SVIL: variants seen among roughly 807,000 people sequenced by gnomAD.
SVIL encodes supervillin, also known as archvillin.
SVIL carries 101 observed loss-of-function variants against 240.4 expected under a neutral mutation model. The observed-to-expected ratio is 0.42, with a 90% CI of 0.36 to 0.50. The LOEUF (loss-of-function observed/expected upper bound fraction) is 0.50. Among genes scored for constraint, SVIL ranks in the 20% least tolerant of loss-of-function variants. The probability of loss-of-function intolerance (pLI) is 0.01; values close to 1 mark genes in which losing one functional copy is unlikely to be tolerated. For missense variants in SVIL, 2,512 were observed against 2,818.7 expected, an observed-to-expected ratio of 0.89 and a Z score of 2.46; for synonymous variants, 999 against 1,100.0, an observed-to-expected ratio of 0.91 and a Z score of 1.82.
At chr10:29,550,019 T>TAAA (rs11339067) in intron 6 of SVIL, among the ~76,000 whole-genome samples, 4 of 70,240 alleles carry the variant, frequency 5.7e-5, no homozygotes, top group African/African-American at 2.1e-4. Flanking sequence ...ACTTAAAGTA[T>TAAA]AAAAAAAAAA....
At chr10:29,644,950 A>G (rs983655717) in intron 3 of SVIL, among the ~76,000 whole-genome samples, 8 of 151,898 alleles carry the variant, frequency 5.3e-5, no homozygotes, top group Admixed American at 5.2e-4. Context: ...GGAGGCTGAG[A>G]TCAGGAAGAC....
chr10:29,706,772 G>A (rs532604099), intron 1 of SVIL, among the ~76,000 whole-genome samples: 79 of 152,116 alleles, frequency 5.2e-4, no homozygotes, highest in Non-Finnish European at 9.9e-4. Flanking sequence ...ATAGTTTTGG[G>A]TTTTATATTT....
intron 1 of SVIL, among the ~76,000 whole-genome samples, chr10:29,580,216 A>T (rs1955880635): frequency 6.6e-6 from 1 of 152,106 alleles, no homozygotes; most frequent in Non-Finnish European, 1.5e-5. Flanking sequence ...ACATGCCTGC[A>T]ATCCCTACTT....
At chr10:29,588,242 G>A (rs577632822) in intron 1 of SVIL, among the ~76,000 whole-genome samples, 3 of 151,820 alleles carry the variant, frequency 2.0e-5, no homozygotes, top group East Asian at 3.9e-4. Context: ...TAGCAATACC[G>A]TGGAGGTTAA....
Position 29,493,373 on chromosome 10 carries a change from G to A in SVIL, c.3860C>T (p.Thr1287Met), listed in dbSNP as rs201829776. The A allele has an allele frequency of 9.3e-6, 15 of 1,613,994 alleles. No homozygotes were observed. The highest frequency in any genetic ancestry group is 4.0e-5 in the African/African-American group (3 of 74,910). Residue 1287 changes from threonine (T) to methionine (M), a missense_variant, in exon 21 of 38, where the codon ACG becomes ATG. Coordinates refer to ENST00000355867, the MANE Select transcript of SVIL (RefSeq NM_021738.3). ...AGATTTGCCGGTGACAGTGAGCACC[G>A]TTTCGTGCATCCCGCCAACTATCAA... ...LNNKVGGMHE[T>M]VLTVTGKSVK...
At chr10:29,470,544 C>T in intron 31 of SVIL, 61 bp from the exon 32 acceptor site, 3 of 1,587,240 alleles carry the variant, frequency 1.9e-6, no homozygotes, top group African/African-American at 1.3e-5. Context: ...GCAAACGCGG[C>T]CCTTCCTAGT....
chr10:29,474,123 G>A (rs1945901110), intron 29 of SVIL, 134 bp from the exon 30 acceptor site: 16 of 1,232,766 alleles, frequency 1.3e-5, no homozygotes, highest in South Asian at 3.2e-5. Flanking sequence ...GGGAGAAACC[G>A]TTGGCACCTG....
chr10:29,620,899 G>C (rs928106246), intron 1 of SVIL, among the ~76,000 whole-genome samples: 2 of 151,692 alleles, frequency 1.3e-5, no homozygotes, highest in Non-Finnish European at 2.9e-5. Context: ...TTACAGGTGT[G>C]AGCCACCACG....
At chr10:29,699,520 T>A (rs891838581) in intron 1 of SVIL, among the ~76,000 whole-genome samples, 3 of 152,168 alleles carry the variant, frequency 2.0e-5, no homozygotes, top group Non-Finnish European at 1.5e-5. Flanking sequence ...GCCAGGCTGG[T>A]CTTCAACTCC....
intron 36 of SVIL, among the ~76,000 whole-genome samples, chr10:29,461,769 A>AAAAG (rs1165257228): frequency 6.6e-6 from 1 of 152,236 alleles, no homozygotes; most frequent in Non-Finnish European, 1.5e-5. Flanking sequence ...GTGGTCTCAT[A>AAAAG]AAAGACAATA....
intron 10 of SVIL, 51 bp downstream of exon 10, chr10:29,531,203 C>A (rs553140366): frequency 1.3e-6 from 2 of 1,579,678 alleles, no homozygotes; most frequent in South Asian, 2.3e-5. Flanking sequence ...ATTATTAAAT[C>A]CAGTCTAGAT....
At chr10:29,622,312 T>C (rs1225985720) in intron 1 of SVIL, among the ~76,000 whole-genome samples, 1 of 151,322 alleles carries the variant, frequency 6.6e-6, no homozygotes. Flanking sequence ...CTCTCGTTTT[T>C]CAGGTGAGAA....
At chr10:29,512,174 G>C (rs1239194415) in intron 17 of SVIL, among the ~76,000 whole-genome samples, 12 of 152,206 alleles carry the variant, frequency 7.9e-5, no homozygotes, top group Non-Finnish European at 1.5e-4. Context: ...CATATGAAAT[G>C]CTTGCTAGTA....
chr10:29,630,010 G>C (rs1958023521), intron 1 of SVIL, among the ~76,000 whole-genome samples: 1 of 151,738 alleles, frequency 6.6e-6, no homozygotes, highest in South Asian at 2.1e-4. Flanking sequence ...ATATATTGTA[G>C]AGGTAAAGAG....
chr10:29,592,833 G>A (rs920208494), intron 1 of SVIL, among the ~76,000 whole-genome samples: 4 of 152,034 alleles, frequency 2.6e-5, no homozygotes, highest in African/African-American at 9.7e-5. Flanking sequence ...CATGATCAAG[G>A]CCTAGATTAA....
Position 29,522,405 on chromosome 10 carries a change from A to G in SVIL, c.3389+5T>C, listed in dbSNP as rs746252334. The G allele has an allele frequency of 6.8e-6, 11 of 1,613,844 alleles. No individual in the cohort carries two copies. In the East Asian group the frequency reaches 2.2e-4, roughly 33 times the overall value. On this transcript the variant is annotated splice_donor_5th_base_variant and intron_variant, in intron 16 of 37. Coordinates refer to ENST00000355867, the MANE Select transcript of SVIL (RefSeq NM_021738.3). ...AATTACTTTTCGCTCACCGAATCTCATTACCTTTCTTTAATAGACATGGTT... is the reference window on the plus strand; with the variant it reads ...AATTACTTTTCGCTCACCGAATCTCGTTACCTTTCTTTAATAGACATGGTT...
intron 1 of SVIL, among the ~76,000 whole-genome samples, chr10:29,728,555 A>G (rs529394529): frequency 4.3e-4 from 66 of 152,324 alleles, no homozygotes; most frequent in Admixed American, 3.1e-3. Flanking sequence ...AATTGTTAAG[A>G]AGAAAAAAAT....
At position 29,629,936 on chromosome 10, in the gene SVIL, T is replaced by C. The variant is rs77692379; in HGVS notation, c.-201+4484A>G. 4.9e-3 allele frequency among the ~76,000 whole-genome samples: 730 copies of C among 149,004 alleles called. 22 individuals carry two copies. The highest frequency in any genetic ancestry group is 0.016 in the African/African-American group (665 of 41,150). ...TCGAGGCTGCAGTGAACCATGGTCATGCCATTGCATTCCAACCTGGGTGAC... is the reference window on the plus strand; with the variant it reads ...TCGAGGCTGCAGTGAACCATGGTCACGCCATTGCATTCCAACCTGGGTGAC... On this transcript the variant is annotated intron_variant, in intron 1 of 37. Coordinates refer to ENST00000355867, the MANE Select transcript of SVIL (RefSeq NM_021738.3).
At chr10:29,623,173 T>C (rs1346130518) in intron 1 of SVIL, among the ~76,000 whole-genome samples, 1 of 152,198 alleles carries the variant, frequency 6.6e-6, no homozygotes, top group Non-Finnish European at 1.5e-5. Flanking sequence ...ACAAATTACA[T>C]GGATAGGTCA....
Sources: allele counts gnomAD v4.1 joint callset (sites outside exome capture counted in the v4.1 genomes callset), GRCh38; gene constraint gnomAD v4.1.1; transcripts MANE v1.5; gene names NCBI Gene and HGNC (gene_info 2026-07-23, HGNC 2026-07-21).